Variants in RIF1 observed in about 807,000 individuals in gnomAD.
RIF1 encodes the protein replication timing regulatory factor 1.
A neutral mutation model predicts 247.1 loss-of-function variants in RIF1; 45 were observed. That is an observed-to-expected ratio of 0.18 (90% CI 0.14 to 0.23). RIF1 has a LOEUF of 0.23. RIF1 is among the 10% of genes least tolerant of loss of function. The pLI is 1.00. For missense variants in RIF1, 2,967 were observed against 2,862.5 expected (o/e 1.04, Z -0.83); for synonymous variants, 1,087 against 978.8 (o/e 1.11, Z -2.06).
chr2:151,424,946 T>C (rs2432948), intron 8 of RIF1, among the ~76,000 whole-genome samples: 1 of 150,636 alleles, frequency 6.6e-6, no homozygotes, highest in Non-Finnish European at 1.5e-5. Flanking sequence ...CCAAAATTGT[T>C]GGATTACAGG....
exon 11 of RIF1, chr2:151,499,374 T>TTTTC (rs766030236): frequency 6.5e-7 from 1 of 1,541,530 alleles, no homozygotes; most frequent in South Asian, 1.2e-5. Flanking sequence ...TTTTCCAACG[T>TTTTC]TTTCTTTATA....
chr2:151,411,271 G>C lies in RIF1; in HGVS notation c.116G>C (p.Gly39Ala). 6.3e-7 allele frequency: 1 copy of C among 1,597,710 alleles called. No individual in the cohort carries two copies. The highest frequency in any genetic ancestry group is 8.5e-7 in the Non-Finnish European group (1 of 1,170,630). ...TCCTGCTTTTTAAGTCGTATGACTG[G>C]AGAAGAAGGAAAAGAAGTAATTACA... is the stretch of plus-strand genomic sequence containing the variant. ...AYLTLTSRMT[G>A]EEGKEVITEI... Residue 39 changes from glycine to alanine, a missense_variant, in exon 3 of 36, where the codon GGA becomes GCA. Around this residue, in one of 7 missense-constraint regions of RIF1, gnomAD observed 269 missense variants for 288.6 expected, o/e 0.93. Transcript: ENST00000444746.
downstream of RIF1, chr2:151,483,280 G>T (rs2049238820): frequency 6.6e-6 from 1 of 152,054 alleles, no homozygotes; most frequent in Non-Finnish European, 1.5e-5. Flanking sequence ...GGACCAACAA[G>T]CACAAGCAGA....
At chr2:151,472,314 A>G (rs1027452968) in intron 34 of RIF1, among the ~76,000 whole-genome samples, 1 of 152,208 alleles carries the variant, frequency 6.6e-6, no homozygotes, top group African/African-American at 2.4e-5. Flanking sequence ...TGTCATCTGC[A>G]AACAGGAACA....
At position 151,476,646 on chromosome 2, in the gene RIF1, C is replaced by T. The variant is rs1440285832; in HGVS notation, c.*1575C>T. 6.6e-6 allele frequency: 1 copy of T among 151,918 alleles called. No homozygotes were observed. Among genetic ancestry groups the T allele is most frequent in the Non-Finnish European group, 1.5e-5 (1 of 68,004 alleles). 9.4% of individuals were successfully genotyped at this position (151,918 alleles called of 1,614,324 possible). Reference sequence around the variant, plus strand: ...TTTTTGGGTCTAAGATATTCATATACCAAGGATGGTTTTGTAAAGAATTCT... The same window carrying T: ...TTTTTGGGTCTAAGATATTCATATATCAAGGATGGTTTTGTAAAGAATTCT... On this transcript the variant is annotated 3_prime_UTR_variant, in exon 36 of 36. Transcript: ENST00000444746.
intron 19 of RIF1, 99 bp downstream of exon 19, chr2:151,445,544 T>C: frequency 1.4e-6 from 1 of 740,474 alleles, no homozygotes; most frequent in Non-Finnish European, 2.3e-6. Flanking sequence ...TTGTTTTTCT[T>C]TTTCTTTTTC....
chr2:151,437,449 G>T, intron 13 of RIF1, 98 bp downstream of exon 13: 2 of 882,898 alleles, frequency 2.3e-6, no homozygotes, highest in Non-Finnish European at 3.7e-6. Flanking sequence ...CCAGCACTTT[G>T]GGAGGCCGAG....
chr2:151,425,317 A>C (rs1472357885), intron 8 of RIF1, among the ~76,000 whole-genome samples: 2 of 152,030 alleles, frequency 1.3e-5, no homozygotes, highest in Non-Finnish European at 2.9e-5. Context: ...TGATTTGCAA[A>C]TATTTAATTC....
chr2:151,520,619 C>T, the RIF1 span, among the ~76,000 whole-genome samples: 1 of 152,120 alleles, frequency 6.6e-6, no homozygotes, highest in Non-Finnish European at 1.5e-5. Context: ...AATCTCAGCA[C>T]TTTAGGAGGC....
chr2:151,512,903 T>A, downstream of RIF1: 4 of 1,073,528 alleles, frequency 3.7e-6, no homozygotes, highest in Non-Finnish European at 5.6e-6. Flanking sequence ...TGGCTTGATT[T>A]GATTAAGAGG....
At chr2:151,491,417 A>C in intron 9 of RIF1, 1 of 335,338 alleles carries the variant, frequency 3.0e-6, no homozygotes, top group East Asian at 6.2e-5. Flanking sequence ...CAATAGAATT[A>C]CTACTGTTTT....
intron 23 of RIF1, among the ~76,000 whole-genome samples, chr2:151,457,084 AG>A (rs1477694173): frequency 6.8e-6 from 1 of 147,758 alleles, no homozygotes; most frequent in Admixed American, 6.6e-5. Context: ...ACACATTTAT[AG>A]GGTTTTTTTT....
rs372130538 is a variant in RIF1 at position 151,410,459 on chromosome 2, G to A, written c.36G>A (p.Leu12=). 6.2e-7 allele frequency: 1 copy of A among 1,614,118 alleles called. No homozygotes were observed. Among genetic ancestry groups the A allele is most frequent in the African/African-American group, 1.3e-5 (1 of 75,074 alleles). The change falls in exon 2 of 36, where the codon CTG becomes CTA. Residue 12 remains leucine (L), a synonymous_variant. Transcript: ENST00000444746. ...GGGGTCAGAGCCCCCTCGCGCCGCT[G>A]TTGGAGACTTTGGAAGACCCTTCTG... ...TARGQSPLAP[L]LETLEDPSAS...
the RIF1 span, chr2:151,525,872 A>C: frequency 9.8e-7 from 1 of 1,019,520 alleles, no homozygotes; most frequent in South Asian, 1.3e-5. Flanking sequence ...TACATAAAGG[A>C]AGCAAAAGGC....
At chr2:151,469,991 T>A in intron 34 of RIF1, 127 bp downstream of exon 34, 1 of 564,964 alleles carries the variant, frequency 1.8e-6, no homozygotes, top group Non-Finnish European at 2.9e-6. Context: ...GTACTGTCTT[T>A]ATGCATTGCA....
chr2:151,437,456 C>T (rs1407618589), intron 13 of RIF1, 105 bp downstream of exon 13: 13 of 816,670 alleles, frequency 1.6e-5, no homozygotes, highest in Non-Finnish European at 2.0e-5. Flanking sequence ...TTTGGGAGGC[C>T]GAGGTGAGTG....
At chr2:151,493,213 C>G in intron 9 of RIF1, 1 of 660,732 alleles carries the variant, frequency 1.5e-6, no homozygotes, top group Non-Finnish European at 2.6e-6. Context: ...GGTGTTAAAA[C>G]GTTACTTTCC....
rs1214171599 is a variant in RIF1, at chr2:151,465,499, A to G, written c.5979A>G (p.Gln1993=). The stretch of plus-strand genomic sequence containing the variant: ...ATGCTCAAACTGAGATTTCTGAACA[A>G]ACAGCAGCTGGGGAACTAGATGGAG... ...KLNAQTEISE[Q]TAAGELDGGN... The change falls in exon 30 of 36, where the codon CAA becomes CAG. Residue 1993 remains glutamine (Q), a synonymous_variant. Coordinates refer to ENST00000444746, the MANE Select transcript of RIF1 (RefSeq NM_018151.5). The G allele has an allele frequency of 1.9e-6, 3 of 1,614,084 alleles. No individual in the cohort carries two copies. Among genetic ancestry groups the G allele is most frequent in the Non-Finnish European group, 2.5e-6 (3 of 1,179,992 alleles).
chr2:151,459,909 T>TA (rs1167268438), intron 25 of RIF1, 91 bp from the exon 26 acceptor site: 6 of 1,041,358 alleles, frequency 5.8e-6, no homozygotes, highest in Non-Finnish European at 6.9e-6. Context: ...TATTTGCAAT[T>TA]ACTATTTATT....
Sources: allele counts gnomAD v4.1 joint callset (sites outside exome capture counted in the v4.1 genomes callset), GRCh38; gene constraint gnomAD v4.1.1; regional missense constraint gnomAD v4.1.1; transcripts MANE v1.5; gene names NCBI Gene and HGNC (gene_info 2026-07-23, HGNC 2026-07-21).